Variants in PLCXD3 observed in about 807,000 individuals in gnomAD.
PLCXD3 encodes the protein phosphatidylinositol specific phospholipase C X domain containing 3, also known as PI-PLC X domain-containing protein 3.
Under a neutral mutation model 25.5 loss-of-function variants are expected in PLCXD3, and 19 were observed. The ratio of observed to expected loss-of-function variants is 0.75; its 90% CI spans 0.52 to 1.09. The LOEUF is 1.09. Among genes scored for constraint, PLCXD3 ranks in the 50% least tolerant of loss-of-function variants. PLCXD3 has a pLI of 0.00. For synonymous variants in PLCXD3, 174 were observed against 137.6 expected, an observed-to-expected ratio of 1.26 and a Z score of -1.85; for missense variants, 411 against 388.1, an observed-to-expected ratio of 1.06 and a Z score of -0.50.
chr5:41,337,786 G>T (rs945754395), intron 2 of PLCXD3, among the ~76,000 whole-genome samples: 2 of 152,086 alleles, frequency 1.3e-5, no homozygotes, highest in Non-Finnish European at 2.9e-5. Flanking sequence ...TCATTAAGTT[G>T]TTAATTCTAT....
At chr5:41,345,395 A>G (rs1472079354) in intron 2 of PLCXD3, among the ~76,000 whole-genome samples, 1 of 152,166 alleles carries the variant, frequency 6.6e-6, no homozygotes, top group East Asian at 1.9e-4. Context: ...TTATGCTAAA[A>G]TCCTGTCCAG....
At chr5:41,359,723 T>A (rs1177131739) in intron 2 of PLCXD3, among the ~76,000 whole-genome samples, 1 of 152,182 alleles carries the variant, frequency 6.6e-6, no homozygotes, top group African/African-American at 2.4e-5. Flanking sequence ...TTTCATTTAG[T>A]TCTGCTCTGA....
chr5:41,381,699 G>T, intron 2 of PLCXD3, 127 bp downstream of exon 2: 1 of 762,388 alleles, frequency 1.3e-6, no homozygotes, highest in Non-Finnish European at 2.1e-6. Context: ...CCAATTAGTG[G>T]TACTTTGCTA....
chr5:41,495,120 C>G (rs565728057), intron 1 of PLCXD3, among the ~76,000 whole-genome samples: 1 of 152,362 alleles, frequency 6.6e-6, no homozygotes, highest in South Asian at 2.1e-4. Context: ...TTGGCATCCT[C>G]TCACCAGAGT....
intron 2 of PLCXD3, among the ~76,000 whole-genome samples, chr5:41,372,571 C>A (rs972745530): frequency 1.3e-5 from 2 of 152,076 alleles, no homozygotes; most frequent in African/African-American, 4.8e-5. Flanking sequence ...ACAGACAACG[C>A]TTCCTCTTGC....
intron 1 of PLCXD3, among the ~76,000 whole-genome samples, chr5:41,454,996 G>A (rs909379076): frequency 6.6e-6 from 1 of 151,604 alleles, no homozygotes; most frequent in Non-Finnish European, 1.5e-5. Flanking sequence ...CTGAGCAAAG[G>A]GAAAAGCCCC....
At chr5:41,314,726 G>A (rs1041586197) in intron 2 of PLCXD3, among the ~76,000 whole-genome samples, 2 of 152,124 alleles carry the variant, frequency 1.3e-5, no homozygotes, top group South Asian at 2.1e-4. Flanking sequence ...AAAAAAATGA[G>A]GATACTGAGG....
intron 2 of PLCXD3, among the ~76,000 whole-genome samples, chr5:41,376,562 C>T (rs908370266): frequency 1.3e-5 from 2 of 152,018 alleles, no homozygotes; most frequent in Admixed American, 6.6e-5. Context: ...TTCTCTTGTC[C>T]TCAAGATTTC....
chr5:41,460,667 C>T (rs991141711), intron 1 of PLCXD3, among the ~76,000 whole-genome samples: 4 of 151,938 alleles, frequency 2.6e-5, no homozygotes, highest in African/African-American at 9.7e-5. Flanking sequence ...ACAAGAATTG[C>T]AAGATTCATT....
intron 1 of PLCXD3, among the ~76,000 whole-genome samples, chr5:41,383,666 T>C (rs1260553603): frequency 6.6e-6 from 1 of 152,086 alleles, no homozygotes; most frequent in Non-Finnish European, 1.5e-5. Flanking sequence ...CCCTATCTGA[T>C]ACTCAGGCTT....
chr5:41,368,005 G>A (rs575800393), intron 2 of PLCXD3, among the ~76,000 whole-genome samples: 1 of 151,862 alleles, frequency 6.6e-6, no homozygotes, highest in Non-Finnish European at 1.5e-5. Flanking sequence ...CTATGTGTCT[G>A]TTTTTGGGAA....
chr5:41,500,798 G>T (rs1748935488), intron 1 of PLCXD3, among the ~76,000 whole-genome samples: 1 of 151,734 alleles, frequency 6.6e-6, no homozygotes, highest in South Asian at 2.1e-4. Context: ...GAAAATACTT[G>T]CAAATCATAT....
intron 2 of PLCXD3, among the ~76,000 whole-genome samples, chr5:41,315,432 C>T (rs1372690051): frequency 2.6e-5 from 4 of 151,068 alleles, no homozygotes; most frequent in Non-Finnish European, 5.9e-5. Context: ...AAAACCCAGA[C>T]AATAGAGGGC....
At chr5:41,342,836 A>T (rs562733630) in intron 2 of PLCXD3, among the ~76,000 whole-genome samples, 18 of 152,282 alleles carry the variant, frequency 1.2e-4, no homozygotes, top group African/African-American at 3.6e-4. Context: ...TAAGCTGAAA[A>T]TGCTTGCTTC....
At position 41,490,922 on chromosome 5, in the gene PLCXD3, G is replaced by T. The variant is rs919768101; in HGVS notation, c.103+19502C>A. Among the ~76,000 whole-genome samples, 13 of 152,094 alleles carry T rather than the reference G, an allele frequency of 8.5e-5. 2 individuals carry two copies. The highest frequency in any genetic ancestry group is 3.1e-4 in the African/African-American group (13 of 41,502). On this transcript the variant is annotated intron_variant, in intron 1 of 2. Coordinates refer to ENST00000377801, the MANE Select transcript of PLCXD3 (RefSeq NM_001005473.3). ...ATTAATTTTTTGAAGGGTTTTTTGT[G>T]TCTCTATTTCCTTCAGTTCTGCTCT...
intron 1 of PLCXD3, among the ~76,000 whole-genome samples, chr5:41,411,093 G>A (rs757047380): frequency 2.0e-5 from 3 of 152,252 alleles, no homozygotes; most frequent in Admixed American, 6.5e-5. Context: ...ACAATGACTC[G>A]ATTGTGTTTT....
At chr5:41,488,096 C>T (rs1368825269) in intron 1 of PLCXD3, among the ~76,000 whole-genome samples, 5 of 137,182 alleles carry the variant, frequency 3.6e-5, no homozygotes, top group African/African-American at 1.4e-4. Flanking sequence ...CACAACAGTC[C>T]CCAGAGTGTG....
intron 1 of PLCXD3, among the ~76,000 whole-genome samples, chr5:41,398,598 G>A (rs148342176): frequency 9.3e-4 from 141 of 152,220 alleles, no homozygotes; most frequent in Non-Finnish European, 1.6e-3. Flanking sequence ...AACATGGTAC[G>A]TCATATCAAC....
chr5:41,495,962 T>C (rs1302959481), intron 1 of PLCXD3, among the ~76,000 whole-genome samples: 1 of 152,096 alleles, frequency 6.6e-6, no homozygotes, highest in Non-Finnish European at 1.5e-5. Flanking sequence ...ATAACCATCA[T>C]AAAGTTGTCA....
Sources: gnomAD v4.1 joint callset for allele counts (sites outside exome capture counted in the v4.1 genomes callset) on GRCh38, gnomAD v4.1.1 for gene constraint, MANE v1.5 for transcripts, NCBI Gene and HGNC (gene_info 2026-07-23, HGNC 2026-07-21) for gene names.